The following RAD51AP2 variants were observed in gnomAD, a reference collection of about 807,000 sequenced individuals.
RAD51AP2 encodes RAD51-associated protein 2.
Under a neutral mutation model 85.5 loss-of-function variants are expected in RAD51AP2, and 67 were observed. The ratio of observed to expected loss-of-function variants is 0.78; its 90% CI spans 0.64 to 0.96. The LOEUF (loss-of-function observed/expected upper bound fraction) is 0.96. RAD51AP2 is among the 40% of genes least tolerant of loss of function. RAD51AP2 has a pLI of 0.00. For synonymous variants in RAD51AP2, 474 were observed against 446.5 expected, an observed-to-expected ratio of 1.06 and a Z score of -0.78; for missense variants, 1,307 against 1,332.4, an observed-to-expected ratio of 0.98 and a Z score of 0.30.
Position 17,515,316 on chromosome 2 carries a change from TATC to T in RAD51AP2, c.3097_3099del (p.Asp1033del), listed in dbSNP as rs1558264214. The T allele has an allele frequency of 1.9e-6, 3 of 1,613,374 alleles. No homozygotes were observed. The highest frequency in any genetic ancestry group is 3.3e-5 in the Admixed American group (2 of 59,908). ...TTGCCCATATTAGGACCTGCTATAG[TATC>T]ATGGAACGAGGAAGATGCACGTATT... is the stretch of plus-strand genomic sequence containing the variant. On this transcript the variant is annotated inframe_deletion, in exon 1 of 3. Transcript: ENST00000399080.
At chr2:17,512,037 G>A (rs570508655) in intron 2 of RAD51AP2, among the ~76,000 whole-genome samples, 12 of 152,216 alleles carry the variant, frequency 7.9e-5, no homozygotes, top group East Asian at 1.9e-4. Flanking sequence ...TATATAAAGC[G>A]CCAGTGAACT....
chr2:17,528,018 ACT>A, the RAD51AP2 span, among the ~76,000 whole-genome samples: 1 of 152,164 alleles, frequency 6.6e-6, no homozygotes, highest in African/African-American at 2.4e-5. Flanking sequence ...TATAATTTAT[ACT>A]CTGTTCTACT....
At chr2:17,525,259 G>C in the RAD51AP2 span, among the ~76,000 whole-genome samples, 12 of 151,984 alleles carry the variant, frequency 7.9e-5, no homozygotes, top group Non-Finnish European at 1.5e-4. Context: ...TAATGAATGG[G>C]TTTGGTATAT....
At chr2:17,523,240 A>G (rs1662895669), upstream of RAD51AP2, among the ~76,000 whole-genome samples, 1 of 151,922 alleles carries the variant, frequency 6.6e-6, no homozygotes, top group Admixed American at 6.6e-5. Context: ...AATAATTATT[A>G]TCAAACTCAT....
At chr2:17,535,470 G>C in the RAD51AP2 span, among the ~76,000 whole-genome samples, 1 of 152,146 alleles carries the variant, frequency 6.6e-6, no homozygotes, top group Admixed American at 6.5e-5. Flanking sequence ...CAACAGTTAG[G>C]AGAATGAGAA....
Position 17,515,828 on chromosome 2 carries a change from C to T in RAD51AP2, c.2588G>A (p.Ser863Asn), listed in dbSNP as rs760082983. The T allele has an allele frequency of 6.2e-7, 1 of 1,607,628 alleles. No individual in the cohort carries two copies. The highest frequency in any genetic ancestry group is 8.5e-7 in the Non-Finnish European group (1 of 1,175,918). ...DTKIEKEEKD[S>N]FFPMDDMFSV... ...AAACATGTCATCCATTGGAAAAAAA[C>T]TATCTTTCTCTTCCTTTTCTATCTT... is the stretch of plus-strand genomic sequence containing the variant. Residue 863 changes from serine to asparagine, a missense_variant, in exon 1 of 3, where the codon AGT becomes AAT. Ser to Asn is a conservative substitution (Grantham distance 46). Transcript: ENST00000399080.
chr2:17,524,297 G>C, the RAD51AP2 span, among the ~76,000 whole-genome samples: 21 of 151,946 alleles, frequency 1.4e-4, no homozygotes, highest in Admixed American at 2.6e-4. Context: ...ATTGCGTTAA[G>C]TATCAGGAAT....
chr2:17,521,437 G>T (rs991130203), upstream of RAD51AP2, among the ~76,000 whole-genome samples: 1 of 151,858 alleles, frequency 6.6e-6, no homozygotes, highest in African/African-American at 2.4e-5. Flanking sequence ...TGTAAGAAGT[G>T]AATAAATATG....
In RAD51AP2 at chr2:17,517,214, T is replaced by C. The variant is rs2103311380; in HGVS notation, c.1202A>G (p.His401Arg). ...ATTTCCTCTATTTCTTCTCAAAATA[T>C]GTCTAACGTTACAGTCCCAGTTTTG... ...KSQNWDCNVR[H>R]ILRRNRGNCW... Residue 401 changes from histidine to arginine, a missense_variant, in exon 1 of 3, where the codon CAT becomes CGT. Coordinates refer to ENST00000399080, the MANE Select transcript of RAD51AP2 (RefSeq NM_001099218.3). 7 of 1,613,762 alleles carry C rather than the reference T, an allele frequency of 4.3e-6. No individual in the cohort carries two copies. In the African/African-American group the frequency reaches 5.3e-5, roughly 12 times the overall value.
rs1245983483 is a variant in RAD51AP2 at position 17,516,291 on chromosome 2, G to A, written c.2125C>T (p.Gln709Ter). 1.9e-6 allele frequency: 3 copies of A among 1,609,064 alleles called. No individual in the cohort carries two copies. The highest frequency in any genetic ancestry group is 1.3e-5 in the African/African-American group (1 of 74,618). The change falls in exon 1 of 3, where the codon CAG becomes TAG. Residue 709 changes from glutamine (Q) to a stop codon, truncating the protein, a stop_gained. Coordinates refer to ENST00000399080, the MANE Select transcript of RAD51AP2 (RefSeq NM_001099218.3). LOFTEE classifies it high-confidence loss of function. ...EISLIREITC[Q>*]NMSCPQQVVN... is the part of the protein sequence containing the mutation. ...ACTTGTTGAGGACAACTCATATTCTGACAAGTAATTTCTCTTATTAAAGAA... is the reference window on the plus strand; with the variant it reads ...ACTTGTTGAGGACAACTCATATTCTAACAAGTAATTTCTCTTATTAAAGAA...
chr2:17,515,565 A>G lies in RAD51AP2; in HGVS notation c.2851T>C (p.Leu951=). 3.1e-6 allele frequency: 5 copies of G among 1,607,970 alleles called. No individual in the cohort carries two copies. Among genetic ancestry groups the G allele is most frequent in the Non-Finnish European group, 4.2e-6 (5 of 1,178,380 alleles). ...ACTATTGTCAGAGCTTCTGTTGATAAATATTTAGCAGCTAAGTCCTGAAAA... is the reference window on the plus strand; with the variant it reads ...ACTATTGTCAGAGCTTCTGTTGATAGATATTTAGCAGCTAAGTCCTGAAAA... ...ECFQDLAAKY[L]STEALTIVKD... is the part of the protein sequence containing the mutation. The change falls in exon 1 of 3, where the codon TTA becomes CTA. Residue 951 remains leucine, a synonymous_variant. Transcript: ENST00000399080.
the RAD51AP2 span, among the ~76,000 whole-genome samples, chr2:17,530,055 G>C: frequency 6.6e-6 from 1 of 152,168 alleles, no homozygotes; most frequent in Non-Finnish European, 1.5e-5. Flanking sequence ...CCCATTCCCA[G>C]TTCTTCTCAC....
the RAD51AP2 span, among the ~76,000 whole-genome samples, chr2:17,528,251 A>AATAC: frequency 6.6e-6 from 1 of 152,174 alleles, no homozygotes; most frequent in African/African-American, 2.4e-5. Flanking sequence ...AATACTTTTA[A>AATAC]TCAGAAACTC....
In RAD51AP2 at chr2:17,515,944, T is replaced by G; in HGVS notation, c.2472A>C (p.Ile824=). 1 of 1,605,160 alleles carries G rather than the reference T, an allele frequency of 6.2e-7. No homozygotes were observed. Among genetic ancestry groups the G allele is most frequent in the Non-Finnish European group, 8.5e-7 (1 of 1,177,814 alleles). Residue 824 remains isoleucine (I), a synonymous_variant, in exon 1 of 3, where the codon ATA becomes ATC. Transcript: ENST00000399080. Reference sequence around the variant, plus strand: ...AAATTAAGTCATATTTTTTTTCTTCTATTTCACTTAGCAAGTTCCAAAAAT... The same window carrying G: ...AAATTAAGTCATATTTTTTTTCTTCGATTTCACTTAGCAAGTTCCAAAAAT... ...VLNFWNLLSE[I]EEKKYDLILK...
At chr2:17,535,224 A>G in the RAD51AP2 span, among the ~76,000 whole-genome samples, 20 of 152,208 alleles carry the variant, frequency 1.3e-4, no homozygotes, top group African/African-American at 4.1e-4. Context: ...AGTTTCCAGG[A>G]AAAGGGAAAG....
the RAD51AP2 span, among the ~76,000 whole-genome samples, chr2:17,528,625 T>C: frequency 6.6e-6 from 1 of 152,102 alleles, no homozygotes; most frequent in African/African-American, 2.4e-5. Flanking sequence ...GGAGGATCAC[T>C]TGAGGCCAGG....
chr2:17,530,062 TCA>T, the RAD51AP2 span, among the ~76,000 whole-genome samples: 1 of 152,190 alleles, frequency 6.6e-6, no homozygotes, highest in African/African-American at 2.4e-5. Context: ...CCAGTTCTTC[TCA>T]CAGAACAAGA....
chr2:17,533,632 G>C, the RAD51AP2 span, among the ~76,000 whole-genome samples: 8 of 152,276 alleles, frequency 5.3e-5, no homozygotes, highest in East Asian at 1.5e-3. Flanking sequence ...GTGAAATTTT[G>C]TTTTCAAATA....
intron 1 of RAD51AP2, among the ~76,000 whole-genome samples, chr2:17,514,543 G>T (rs1050819357): frequency 6.6e-6 from 1 of 151,188 alleles, no homozygotes; most frequent in African/African-American, 2.4e-5. Flanking sequence ...CGGCGGGGGG[G>T]GTGGATCACA....
Sources: allele counts gnomAD v4.1 joint callset (sites outside exome capture counted in the v4.1 genomes callset), GRCh38; gene constraint gnomAD v4.1.1; transcripts MANE v1.5; gene names NCBI Gene and HGNC (gene_info 2026-07-23, HGNC 2026-07-21).